Variants in HACE1 observed in about 807,000 individuals in gnomAD.
HACE1 encodes the protein HECT domain and ankyrin repeat containing E3 ubiquitin protein ligase 1.
HACE1 carries 73 observed loss-of-function variants against 118.4 expected under a neutral mutation model. The observed-to-expected ratio is 0.62, with a 90% CI of 0.51 to 0.75. The LOEUF (loss-of-function observed/expected upper bound fraction) is 0.75. Among genes scored for constraint, HACE1 ranks in the 30% least tolerant of loss-of-function variants. HACE1 has a pLI of 0.00. For synonymous variants in HACE1, 368 were observed against 374.8 expected, an observed-to-expected ratio of 0.98 and a Z score of 0.21; for missense variants, 749 against 1,102.2, an observed-to-expected ratio of 0.68 and a Z score of 4.54.
chr6:104,764,900 G>A (rs1779805404), intron 19 of HACE1, among the ~76,000 whole-genome samples: 1 of 152,156 alleles, frequency 6.6e-6, no homozygotes, highest in African/African-American at 2.4e-5. Context: ...CAGAGGTTGT[G>A]CCAGGCATGC....
chr6:104,855,803 T>C lies in HACE1; in HGVS notation c.77-3432A>G, dbSNP rs576142919. On this transcript the variant is annotated intron_variant, in intron 1 of 23. Coordinates refer to ENST00000262903, the MANE Select transcript of HACE1 (RefSeq NM_020771.4). ...AATAAAGTCATAAAAAACACTGTTA[T>C]TTGTGGGTTTAAACTTAAATCAAGA... Among the ~76,000 whole-genome samples the C allele has an allele frequency of 1.4e-4, 21 of 152,342 alleles. No homozygotes were observed. In the East Asian group the frequency reaches 4.0e-3, roughly 29 times the overall value.
In HACE1 at chr6:104,814,379, A is replaced by G. The variant is rs879542131; in HGVS notation, c.535-2986T>C. Among the ~76,000 whole-genome samples the G allele has an allele frequency of 9.4e-5, 13 of 138,754 alleles. 2 individuals carry two copies. The highest frequency in any genetic ancestry group is 1.7e-4 in the Non-Finnish European group (11 of 64,470). 91.0% of individuals were successfully genotyped at this position (138,754 alleles called of 152,430 possible). On this transcript the variant is annotated intron_variant, in intron 6 of 23. Transcript: ENST00000262903. ...CAGCAACACAGAAATCTAAAAGGTA[A>G]AAAGCCTTCAAAATTGTAAGATAAA...
chr6:104,852,242 T>TGCCC, intron 2 of HACE1, 75 bp downstream of exon 2: 1 of 759,792 alleles, frequency 1.3e-6, no homozygotes, highest in Non-Finnish European at 2.4e-6. Context: ...CGCGTGCGCG[T>TGCCC]GCACGGGCAT....
At chr6:104,738,678 A>T (rs1352723274) in intron 22 of HACE1, among the ~76,000 whole-genome samples, 5 of 149,968 alleles carry the variant, frequency 3.3e-5, no homozygotes, top group Admixed American at 6.6e-5. Context: ...TGAAAAGACC[A>T]AATCTATGTC....
chr6:104,745,372 TCA>T (rs1310846526), intron 20 of HACE1, among the ~76,000 whole-genome samples: 2 of 151,930 alleles, frequency 1.3e-5, no homozygotes, highest in African/African-American at 4.8e-5. Flanking sequence ...AGTCCATATA[TCA>T]CAGTTAGAGA....
At chr6:104,769,226 G>A (rs987529397) in intron 19 of HACE1, among the ~76,000 whole-genome samples, 13 of 151,896 alleles carry the variant, frequency 8.6e-5, no homozygotes, top group Non-Finnish European at 8.8e-5. Context: ...ATAGAGATGA[G>A]GTCTCACTAT....
At chr6:104,747,716 A>T (rs541597118) in intron 20 of HACE1, among the ~76,000 whole-genome samples, 4 of 152,288 alleles carry the variant, frequency 2.6e-5, no homozygotes, top group Admixed American at 2.6e-4. Flanking sequence ...TCTCATCTGT[A>T]AAATGGGGAC....
chr6:104,810,525 A>G (rs776481339), intron 7 of HACE1, among the ~76,000 whole-genome samples: 2 of 152,126 alleles, frequency 1.3e-5, no homozygotes, highest in Non-Finnish European at 2.9e-5. Context: ...AAGAATTACT[A>G]TAGTATTCTA....
In HACE1 at chr6:104,815,824, G is replaced by A. The variant is rs1772051569; in HGVS notation, c.535-4431C>T. ...ACAGTGGCTCACGCCTGTAATCCCA[G>A]CACTTTGGGAGGCTGAGGCGGGCAG... On this transcript the variant is annotated intron_variant, in intron 6 of 23. Coordinates refer to ENST00000262903, the MANE Select transcript of HACE1 (RefSeq NM_020771.4). Among the ~76,000 whole-genome samples, 3 of 99,356 alleles carry A rather than the reference G, an allele frequency of 3.0e-5. 1 individual carries two copies. The highest frequency in any genetic ancestry group is 2.8e-4 in the Admixed American group (3 of 10,572). 65.2% of individuals were successfully genotyped at this position (99,356 alleles called of 152,430 possible).
chr6:104,856,751 T>C (rs980819535), intron 1 of HACE1, among the ~76,000 whole-genome samples: 3 of 152,124 alleles, frequency 2.0e-5, no homozygotes, highest in Admixed American at 6.6e-5. Flanking sequence ...TTTTAAACAC[T>C]ACTAAGAATC....
chr6:104,771,469 C>T, intron 18 of HACE1, 80 bp from the exon 19 acceptor site: 1 of 850,406 alleles, frequency 1.2e-6, no homozygotes, highest in Non-Finnish European at 1.9e-6. Flanking sequence ...CTGCCCTCTA[C>T]AGATATTCTG....
chr6:104,771,688 A>G (rs917209395), intron 18 of HACE1, among the ~76,000 whole-genome samples: 1 of 150,598 alleles, frequency 6.6e-6, no homozygotes, highest in African/African-American at 2.4e-5. Flanking sequence ...TAGCATAAAA[A>G]TACACACACA....
intron 6 of HACE1, among the ~76,000 whole-genome samples, chr6:104,823,758 TAA>T (rs879879893): frequency 8.4e-5 from 12 of 142,326 alleles, no homozygotes; most frequent in Admixed American, 2.1e-4. Context: ...CTTTGTGAAT[TAA>T]AAAAAAAAAA....
chr6:104,805,585 T>G (rs1259749194), intron 7 of HACE1, among the ~76,000 whole-genome samples: 2 of 152,172 alleles, frequency 1.3e-5, no homozygotes, highest in African/African-American at 4.8e-5. Context: ...ACCATCATTC[T>G]CAGCAAACCA....
intron 19 of HACE1, among the ~76,000 whole-genome samples, chr6:104,766,431 C>T (rs1780024136): frequency 6.6e-6 from 1 of 152,074 alleles, no homozygotes; most frequent in South Asian, 2.1e-4. Flanking sequence ...CTCTGGGGTA[C>T]TCTGAATTAT....
chr6:104,795,164 G>C (rs902110935), intron 10 of HACE1, among the ~76,000 whole-genome samples: 9 of 151,912 alleles, frequency 5.9e-5, no homozygotes, highest in African/African-American at 1.9e-4. Flanking sequence ...TAACTGAGGG[G>C]GACAGGTCAG....
chr6:104,829,144 G>A (rs764834049), intron 6 of HACE1, among the ~76,000 whole-genome samples: 1 of 152,008 alleles, frequency 6.6e-6, no homozygotes, highest in Non-Finnish European at 1.5e-5. Flanking sequence ...ACATGCACTG[G>A]TATATGTCTA....
rs1781271052 is a variant in HACE1 at position 104,776,826 on chromosome 6, A to G, written c.1779T>C (p.Gly593=). 6.3e-7 allele frequency: 1 copy of G among 1,598,964 alleles called. No individual in the cohort carries two copies. The highest frequency in any genetic ancestry group is 1.1e-5 in the South Asian group (1 of 90,760). The change falls in exon 17 of 24, where the codon GGT becomes GGC. Residue 593 remains glycine (G), a splice_region_variant and synonymous_variant. Transcript: ENST00000262903. ...CAAACCACTCACGCACAACACCTTG[A>G]CCCTGAATTCAAGAAATAAAATTAA... ...AVRFHGEEGM[G]QGVVREWFDI... is the part of the protein sequence containing the mutation.
intron 4 of HACE1, among the ~76,000 whole-genome samples, chr6:104,848,442 G>A (rs1282539098): frequency 2.1e-5 from 3 of 145,876 alleles, no homozygotes; most frequent in African/African-American, 7.6e-5. Context: ...GTGACGGAGT[G>A]AGACCCCATC....
Sources: gnomAD v4.1 joint callset for allele counts (sites outside exome capture counted in the v4.1 genomes callset) on GRCh38, gnomAD v4.1.1 for gene constraint, MANE v1.5 for transcripts, NCBI Gene and HGNC (gene_info 2026-07-23, HGNC 2026-07-21) for gene names.